The following CCSER1 variants were observed in gnomAD, a reference collection of about 807,000 sequenced individuals.
CCSER1 encodes coiled-coil serine rich protein 1.
CCSER1 carries 41 observed loss-of-function variants against 82.0 expected under a neutral mutation model. That is an observed-to-expected ratio of 0.50 (90% confidence interval 0.39 to 0.65). CCSER1 has a LOEUF of 0.65. CCSER1 is among the 30% of genes least tolerant of loss of function. CCSER1 has a pLI of 0.00. For synonymous variants in CCSER1, 414 were observed against 383.9 expected, an observed-to-expected ratio of 1.08 and a Z score of -0.92; for missense variants, 1,119 against 1,064.2, an observed-to-expected ratio of 1.05 and a Z score of -0.72.
At chr4:90,476,677 A>G (rs1765163046) in intron 5 of CCSER1, among the ~76,000 whole-genome samples, 1 of 152,234 alleles carries the variant, frequency 6.6e-6, no homozygotes, top group Non-Finnish European at 1.5e-5. Flanking sequence ...TATGAAAAAT[A>G]AGAATGTTTA....
chr4:91,494,087 T>C (rs1758689444), intron 10 of CCSER1, among the ~76,000 whole-genome samples: 1 of 151,864 alleles, frequency 6.6e-6, no homozygotes, highest in Non-Finnish European at 1.5e-5. Context: ...GCACGTTAGA[T>C]AAGCAACAAG....
At chr4:91,174,886 A>G (rs1031037003) in intron 10 of CCSER1, among the ~76,000 whole-genome samples, 2 of 151,030 alleles carry the variant, frequency 1.3e-5, no homozygotes, top group African/African-American at 4.9e-5. Context: ...GATTTGTTAC[A>G]TATGTATACA....
chr4:90,402,709 G>A (rs1480456335), intron 4 of CCSER1, among the ~76,000 whole-genome samples: 2 of 152,136 alleles, frequency 1.3e-5, no homozygotes, highest in African/African-American at 4.8e-5. Flanking sequence ...ACAATGACGA[G>A]AAAATAATGA....
chr4:91,225,362 TATATA>T (rs1560528557), intron 10 of CCSER1, among the ~76,000 whole-genome samples: 1 of 72,468 alleles, frequency 1.4e-5, no homozygotes, highest in Non-Finnish European at 2.6e-5. Flanking sequence ...GTATATATAT[TATATA>T]TGTAATATAT....
At chr4:91,357,190 C>T (rs1748893794) in intron 10 of CCSER1, among the ~76,000 whole-genome samples, 1 of 152,134 alleles carries the variant, frequency 6.6e-6, no homozygotes, top group African/African-American at 2.4e-5. Context: ...AAGCTAAACA[C>T]CATTTTATAT....
At chr4:90,808,986 A>G (rs905876866) in intron 7 of CCSER1, among the ~76,000 whole-genome samples, 5 of 152,208 alleles carry the variant, frequency 3.3e-5, no homozygotes, top group Non-Finnish European at 5.9e-5. Context: ...TATGGAATCA[A>G]TTTAAGTGCC....
intron 4 of CCSER1, among the ~76,000 whole-genome samples, chr4:90,445,563 G>T (rs759308769): frequency 4.6e-5 from 7 of 152,008 alleles, no homozygotes; most frequent in African/African-American, 1.7e-4. Context: ...AGTTAGCGGG[G>T]CTTGAGAAAA....
At chr4:91,442,804 T>C (rs923241402) in intron 10 of CCSER1, among the ~76,000 whole-genome samples, 2 of 151,068 alleles carry the variant, frequency 1.3e-5, no homozygotes, top group African/African-American at 4.9e-5. Context: ...CATCAAAAAG[T>C]GGGCAAAGGA....
chr4:91,241,966 GTATA>G (rs74321571), intron 10 of CCSER1, among the ~76,000 whole-genome samples: 54 of 151,172 alleles, frequency 3.6e-4, no homozygotes, highest in Non-Finnish European at 6.3e-4. Context: ...AACTGTGTGC[GTATA>G]TATATATATT....
chr4:91,174,780 G>T (rs561462982), intron 10 of CCSER1, among the ~76,000 whole-genome samples: 1 of 150,256 alleles, frequency 6.7e-6, no homozygotes, highest in Non-Finnish European at 1.5e-5. Flanking sequence ...TATTTATTAA[G>T]CTCCTCCTAG....
intron 9 of CCSER1, among the ~76,000 whole-genome samples, chr4:91,020,804 A>G (rs1401913652): frequency 6.6e-6 from 1 of 152,238 alleles, no homozygotes; most frequent in Non-Finnish European, 1.5e-5. Flanking sequence ...AGAAATAAGT[A>G]TCCAAGGTAC....
intron 5 of CCSER1, among the ~76,000 whole-genome samples, chr4:90,503,389 C>G (rs1167434797): frequency 1.3e-5 from 2 of 151,988 alleles, no homozygotes; most frequent in Admixed American, 1.3e-4. Flanking sequence ...CACAGGGGAC[C>G]AAAATTTAGA....
chr4:90,548,761 CAG>C (rs1461240154), intron 5 of CCSER1, among the ~76,000 whole-genome samples: 2 of 151,438 alleles, frequency 1.3e-5, no homozygotes, highest in African/African-American at 4.9e-5. Flanking sequence ...CACACACACA[CAG>C]ACATATATAC....
chr4:90,438,507 A>C (rs979188414), intron 4 of CCSER1, among the ~76,000 whole-genome samples: 2 of 152,188 alleles, frequency 1.3e-5, no homozygotes, highest in African/African-American at 4.8e-5. Context: ...ACAAAACAAA[A>C]CAAAACCTGA....
chr4:90,425,996 T>C (rs1757479507), intron 4 of CCSER1, among the ~76,000 whole-genome samples: 1 of 152,090 alleles, frequency 6.6e-6, no homozygotes, highest in East Asian at 1.9e-4. Context: ...AAAGACATCC[T>C]AGAGAAGTGA....
chr4:90,435,994 C>T (rs528727264), intron 4 of CCSER1, among the ~76,000 whole-genome samples: 27 of 151,550 alleles, frequency 1.8e-4, no homozygotes, highest in African/African-American at 5.1e-4. Flanking sequence ...ATTTAAATGG[C>T]GTATAATGTT....
intron 4 of CCSER1, among the ~76,000 whole-genome samples, chr4:90,446,685 A>G (rs745484852): frequency 5.3e-5 from 8 of 152,178 alleles, no homozygotes; most frequent in Non-Finnish European, 1.2e-4. Context: ...CTTGAACAAC[A>G]TGGGTTGGAA....
At position 91,461,583 on chromosome 4, in the gene CCSER1, A is replaced by G. The variant is rs561595001; in HGVS notation, c.2218-136989A>G. 1.6e-4 allele frequency among the ~76,000 whole-genome samples: 25 copies of G among 152,292 alleles called. 1 individual carries two copies. Among genetic ancestry groups the G allele is most frequent in the African/African-American group, 5.5e-4 (23 of 41,570 alleles). On this transcript the variant is annotated intron_variant, in intron 10 of 10. Transcript: ENST00000509176. ...TGTGGTATTAAGGTTCCTGACCACC[A>G]GCCCTCATTTGGATTAGCTATACTT... is the stretch of plus-strand genomic sequence containing the variant.
chr4:91,364,234 T>A (rs1401910574), intron 10 of CCSER1, among the ~76,000 whole-genome samples: 1 of 152,098 alleles, frequency 6.6e-6, no homozygotes, highest in Non-Finnish European at 1.5e-5. Flanking sequence ...TTGTCTTCAG[T>A]TCAAAATGCA....
Sources: allele counts gnomAD v4.1 joint callset (sites outside exome capture counted in the v4.1 genomes callset), GRCh38; gene constraint gnomAD v4.1.1; transcripts MANE v1.5; gene names NCBI Gene and HGNC (gene_info 2026-07-23, HGNC 2026-07-21).